Variants in CREB5 observed in about 807,000 individuals in gnomAD.
The protein encoded by CREB5 is cAMP responsive element binding protein 5.
Under a neutral mutation model 57.1 loss-of-function variants are expected in CREB5, and 19 were observed. That is an observed-to-expected ratio of 0.33 (90% CI 0.23 to 0.49). The LOEUF (loss-of-function observed/expected upper bound fraction) is 0.49. Among genes scored for constraint, CREB5 ranks in the 20% least tolerant of loss-of-function variants. The pLI, the probability that CREB5 is intolerant of heterozygous loss-of-function variation, is 0.99. For synonymous variants in CREB5, 238 were observed against 238.3 expected, an observed-to-expected ratio of 1.00 and a Z score of 0.01; for missense variants, 579 against 671.6, an observed-to-expected ratio of 0.86 and a Z score of 1.52.
At chr7:28,555,531 G>A (rs534979779) in intron 4 of CREB5, among the ~76,000 whole-genome samples, 1 of 152,276 alleles carries the variant, frequency 6.6e-6, no homozygotes, top group East Asian at 1.9e-4. Context: ...GTTTCATAAA[G>A]TGACTAGCAA....
intron 1 of CREB5, among the ~76,000 whole-genome samples, chr7:28,382,686 G>A (rs923652381): frequency 5.3e-5 from 8 of 151,878 alleles, no homozygotes; most frequent in Non-Finnish European, 2.9e-5. Context: ...TGCTCTCACA[G>A]TACTCATTTA....
chr7:28,726,829 A>G (rs914613781), intron 7 of CREB5: 4 of 152,192 alleles, frequency 2.6e-5, no homozygotes, highest in African/African-American at 9.7e-5. Context: ...CAGTGCTGTC[A>G]GAGTGTCCAT....
intron 4 of CREB5, among the ~76,000 whole-genome samples, chr7:28,560,462 G>C (rs10231754): frequency 0.35 from 53,451 of 151,850 alleles, 9,729 homozygotes; most frequent in Middle Eastern, 0.39. Flanking sequence ...CATTAGGAAA[G>C]TGCTGAATTA....
intron 6 of CREB5, 77 bp from the exon 7 acceptor site, chr7:28,724,145 G>A: frequency 8.0e-7 from 1 of 1,249,556 alleles, no homozygotes; most frequent in Non-Finnish European, 1.1e-6. Context: ...CGATCCATTG[G>A]ACAGAAAAGT....
intron 7 of CREB5, among the ~76,000 whole-genome samples, chr7:28,726,315 G>A (rs1803335662): frequency 6.6e-6 from 1 of 152,014 alleles, no homozygotes; most frequent in African/African-American, 2.4e-5. Context: ...CAATTTGAAG[G>A]GAAAAATGGT....
At chr7:28,767,676 A>T (rs956079026) in intron 7 of CREB5, among the ~76,000 whole-genome samples, 1 of 152,172 alleles carries the variant, frequency 6.6e-6, no homozygotes, top group Non-Finnish European at 1.5e-5. Context: ...TACCATCCTC[A>T]ATTTTATTTC....
At chr7:28,658,957 A>ATATATATATATATATATATATATGTG (rs1554281563) in intron 5 of CREB5, among the ~76,000 whole-genome samples, 30 of 111,788 alleles carry the variant, frequency 2.7e-4, no homozygotes, top group South Asian at 1.5e-3. Flanking sequence ...GTGTGTGTAT[A>ATATATATATATATATATATATATGTG]TATATATATA....
intron 7 of CREB5, among the ~76,000 whole-genome samples, chr7:28,733,925 T>G (rs1297887823): frequency 1.3e-5 from 2 of 152,226 alleles, no homozygotes; most frequent in East Asian, 3.8e-4. Context: ...CATAATTTAA[T>G]TCTACCATTT....
intron 4 of CREB5, among the ~76,000 whole-genome samples, chr7:28,550,082 T>G (rs1794567150): frequency 6.6e-6 from 1 of 152,164 alleles, no homozygotes; most frequent in African/African-American, 2.4e-5. Context: ...ACAAAGATTT[T>G]GCTGCTTCTC....
chr7:28,626,940 G>T lies in CREB5; in HGVS notation c.464+56403G>T, dbSNP rs146046655. 5.2e-3 allele frequency among the ~76,000 whole-genome samples: 784 copies of T among 152,076 alleles called. 6 individuals carry two copies. The highest frequency in any genetic ancestry group is 0.017 in the African/African-American group (720 of 41,480). On this transcript the variant is annotated intron_variant, in intron 5 of 10. Coordinates refer to ENST00000357727, the MANE Select transcript of CREB5 (RefSeq NM_182898.4). ...AAAGCAGCCAGGATGTGATACAGGG[G>T]TTTTTTTTCTCATCTGTTTTTGCTC...
intron 7 of CREB5, among the ~76,000 whole-genome samples, chr7:28,745,134 G>A (rs1054772717): frequency 6.6e-6 from 1 of 152,190 alleles, no homozygotes; most frequent in Admixed American, 6.5e-5. Context: ...CTCCACGCTG[G>A]TCCTTGCACT....
intron 1 of CREB5, among the ~76,000 whole-genome samples, chr7:28,441,853 G>A (rs1789198032): frequency 6.6e-6 from 1 of 152,090 alleles, no homozygotes; most frequent in Non-Finnish European, 1.5e-5. Context: ...ATACATACAG[G>A]ATACAGAGTG....
At chr7:28,522,868 G>T (rs1793269898) in intron 4 of CREB5, among the ~76,000 whole-genome samples, 1 of 152,164 alleles carries the variant, frequency 6.6e-6, no homozygotes, top group South Asian at 2.1e-4. Flanking sequence ...TGCCACCAAA[G>T]GCATGTAACC....
intron 9 of CREB5, among the ~76,000 whole-genome samples, chr7:28,810,469 G>T (rs1362136801): frequency 6.6e-6 from 1 of 152,040 alleles, no homozygotes; most frequent in African/African-American, 2.4e-5. Flanking sequence ...GAGGTGGCTG[G>T]ATCACTTGAG....
At chr7:28,667,372 G>A (rs1233262092) in intron 5 of CREB5, among the ~76,000 whole-genome samples, 1 of 151,470 alleles carries the variant, frequency 6.6e-6, no homozygotes, top group Non-Finnish European at 1.5e-5. Context: ...TTTCTGTCTT[G>A]AGGGTGTTCA....
chr7:28,700,959 TAAAA>T (rs11324534), intron 5 of CREB5, among the ~76,000 whole-genome samples: 1 of 134,312 alleles, frequency 7.4e-6, no homozygotes. Flanking sequence ...CCCAGGGATT[TAAAA>T]AAAAAAAAAA....
chr7:28,427,125 A>C (rs1247892445), intron 1 of CREB5, among the ~76,000 whole-genome samples: 7 of 152,236 alleles, frequency 4.6e-5, no homozygotes, highest in African/African-American at 1.7e-4. Context: ...AGGTGAATGA[A>C]TCCATCGCCA....
At chr7:28,639,231 C>G (rs1361610953) in intron 5 of CREB5, among the ~76,000 whole-genome samples, 1 of 152,160 alleles carries the variant, frequency 6.6e-6, no homozygotes, top group East Asian at 1.9e-4. Context: ...TCAGCATTTT[C>G]TAGAATAAGT....
intron 1 of CREB5, among the ~76,000 whole-genome samples, chr7:28,330,674 G>T (rs1373541668): frequency 1.3e-5 from 2 of 151,580 alleles, no homozygotes; most frequent in Non-Finnish European, 2.9e-5. Context: ...CAGCTGAAGG[G>T]CAGGTTGAAA....
Sources: allele counts gnomAD v4.1 joint callset (sites outside exome capture counted in the v4.1 genomes callset), GRCh38; gene constraint gnomAD v4.1.1; transcripts MANE v1.5; gene names NCBI Gene and HGNC (gene_info 2026-07-23, HGNC 2026-07-21).